The following SCRG1 variants were observed in gnomAD, a reference collection of about 807,000 sequenced individuals.
SCRG1 encodes the protein scrapie-responsive protein 1.
Under a neutral mutation model 7.7 loss-of-function variants are expected in SCRG1, and 3 were observed. The ratio of observed to expected loss-of-function variants is 0.39; its 90% CI spans 0.18 to 1.01. The LOEUF (loss-of-function observed/expected upper bound fraction) is 1.01. SCRG1 is among the 50% of genes least tolerant of loss of function. SCRG1 has a pLI of 0.36. For synonymous variants in SCRG1, 46 were observed against 41.2 expected (o/e 1.12, Z -0.44); for missense variants, 110 against 117.2 (o/e 0.94, Z 0.28).
the SCRG1 span, among the ~76,000 whole-genome samples, chr4:173,437,806 A>G: frequency 6.6e-6 from 1 of 152,226 alleles, no homozygotes; most frequent in Non-Finnish European, 1.5e-5. Context: ...TAATTGCAGG[A>G]AAAGACAGTA....
At chr4:173,451,627 TTACTTATTTTA>T in the SCRG1 span, among the ~76,000 whole-genome samples, 4 of 24,310 alleles carry the variant, frequency 1.6e-4, no homozygotes, top group Admixed American at 4.8e-4. Context: ...TTTATTTTAC[TTACTTATTTTA>T]TTTATTTATT....
upstream of SCRG1, among the ~76,000 whole-genome samples, chr4:173,407,581 G>A (rs974871393): frequency 1.3e-5 from 2 of 152,122 alleles, no homozygotes; most frequent in African/African-American, 4.8e-5. Context: ...TTGTATGCAC[G>A]TTTTGTGTGG....
At chr4:173,437,382 T>G in the SCRG1 span, among the ~76,000 whole-genome samples, 6 of 152,226 alleles carry the variant, frequency 3.9e-5, no homozygotes, top group African/African-American at 1.4e-4. Flanking sequence ...ACTTATTTGA[T>G]CTGGCAGTAC....
the SCRG1 span, among the ~76,000 whole-genome samples, chr4:173,475,867 T>C: frequency 0.33 from 49,752 of 151,782 alleles, 8,537 homozygotes; most frequent in South Asian, 0.47. Context: ...ACTCCACTTA[T>C]AGGAATAGAA....
At chr4:173,470,840 T>C in the SCRG1 span, among the ~76,000 whole-genome samples, 1 of 152,204 alleles carries the variant, frequency 6.6e-6, no homozygotes, top group Non-Finnish European at 1.5e-5. Flanking sequence ...CAGTGGACTC[T>C]GGAAAACATT....
chr4:173,417,111 CACAG>C, the SCRG1 span, among the ~76,000 whole-genome samples: 1 of 151,800 alleles, frequency 6.6e-6, no homozygotes, highest in African/African-American at 2.4e-5. Context: ...CACACACACA[CACAG>C]ACACACACAG....
the SCRG1 span, among the ~76,000 whole-genome samples, chr4:173,504,100 T>A: frequency 7.2e-5 from 11 of 152,242 alleles, no homozygotes; most frequent in Admixed American, 6.5e-5. This position sits in a 1 kb window ranked among gnomAD's most constrained non-coding sequence, Gnocchi z 4.7. Context: ...AAGAGGCGAC[T>A]GTGACCATGT....
chr4:173,482,965 GTA>G, the SCRG1 span, among the ~76,000 whole-genome samples: 1 of 121,566 alleles, frequency 8.2e-6, no homozygotes, highest in South Asian at 2.5e-4. Flanking sequence ...TGTACATATT[GTA>G]TATATAATAT....
chr4:173,484,447 TA>T, the SCRG1 span, among the ~76,000 whole-genome samples: 1 of 25,058 alleles, frequency 4.0e-5, no homozygotes, highest in Non-Finnish European at 8.4e-5. Flanking sequence ...ATATGATATA[TA>T]ATATATATTA....
chr4:173,483,966 T>A, the SCRG1 span, among the ~76,000 whole-genome samples: 1 of 31,112 alleles, frequency 3.2e-5, no homozygotes, highest in Non-Finnish European at 8.2e-5. Context: ...TATTATATAT[T>A]TTATATAATA....
chr4:173,512,435 T>G, the SCRG1 span, among the ~76,000 whole-genome samples: 4 of 152,210 alleles, frequency 2.6e-5, no homozygotes, highest in Non-Finnish European at 2.9e-5. Context: ...AGAGAAATTT[T>G]TGGTATGCAT....
intron 1 of SCRG1, among the ~76,000 whole-genome samples, chr4:173,393,244 C>G (rs1403775496): frequency 6.6e-6 from 1 of 151,982 alleles, no homozygotes; most frequent in African/African-American, 2.4e-5. Flanking sequence ...AGATTAGAAA[C>G]AAAGTATTTC....
At chr4:173,480,849 G>T in the SCRG1 span, among the ~76,000 whole-genome samples, 1 of 151,962 alleles carries the variant, frequency 6.6e-6, no homozygotes, top group South Asian at 2.1e-4. Flanking sequence ...ATGAAGCAAA[G>T]ATGGCAAAAT....
chr4:173,484,645 ATATATAT>A, the SCRG1 span, among the ~76,000 whole-genome samples: 417 of 95,916 alleles, frequency 4.3e-3, no homozygotes, highest in Middle Eastern at 0.013. Context: ...TATGCATATA[ATATATAT>A]TATATATTAT....
intron 2 of SCRG1, among the ~76,000 whole-genome samples, chr4:173,390,711 A>C (rs1471169825): frequency 6.6e-6 from 1 of 151,390 alleles, no homozygotes; most frequent in Non-Finnish European, 1.5e-5. Flanking sequence ...TTGATCTCGA[A>C]CTCCTGACCT....
chr4:173,487,077 G>A, the SCRG1 span, among the ~76,000 whole-genome samples: 1 of 152,190 alleles, frequency 6.6e-6, no homozygotes, highest in Admixed American at 6.5e-5. Context: ...CCCACCCTGA[G>A]AGAGTCTGCT....
At chr4:173,431,963 T>C in the SCRG1 span, among the ~76,000 whole-genome samples, 1 of 152,288 alleles carries the variant, frequency 6.6e-6, no homozygotes, top group South Asian at 2.1e-4. Flanking sequence ...ATTAAATAAA[T>C]AAAATCAATT....
the SCRG1 span, among the ~76,000 whole-genome samples, chr4:173,518,223 C>G: frequency 6.6e-6 from 1 of 152,064 alleles, no homozygotes; most frequent in Admixed American, 6.5e-5. Context: ...AAATCAGCTC[C>G]GAAACTGGGT....
the SCRG1 span, among the ~76,000 whole-genome samples, chr4:173,438,889 CG>C: frequency 6.6e-6 from 1 of 152,106 alleles, no homozygotes; most frequent in East Asian, 1.9e-4. Context: ...AAACAGAGAC[CG>C]TGTTGGCTGT....
Sources: allele counts gnomAD v4.1 joint callset (sites outside exome capture counted in the v4.1 genomes callset), GRCh38; gene constraint gnomAD v4.1.1; non-coding constraint Gnocchi (gnomAD v3.1); transcripts MANE v1.5; gene names NCBI Gene and HGNC (gene_info 2026-07-23, HGNC 2026-07-21).